ECHDC2: variants seen among roughly 807,000 people sequenced by gnomAD.
ECHDC2 encodes the protein enoyl-CoA hydratase domain-containing protein 2, mitochondrial.
Under a neutral mutation model 40.6 loss-of-function variants are expected in ECHDC2, and 34 were observed. That is an observed-to-expected ratio of 0.84 (90% CI 0.64 to 1.11). The LOEUF (loss-of-function observed/expected upper bound fraction) is 1.11, where lower values mean the gene tolerates loss of function less well. Ranked by LOEUF, ECHDC2 falls within the 50% of genes most tolerant of loss-of-function variation. ECHDC2 has a pLI of 0.00. For missense variants in ECHDC2, 392 were observed against 400.7 expected (o/e 0.98, Z 0.19); for synonymous variants, 162 against 166.6 (o/e 0.97, Z 0.21).
chr1:52,906,384 G>A, intron 5 of ECHDC2, 135 bp downstream of exon 5: 1 of 779,256 alleles, frequency 1.3e-6, no homozygotes, highest in South Asian at 1.5e-5. Flanking sequence ...CACCCTCTGT[G>A]CTCTGCCTTG....
rs1402245452 is a variant in ECHDC2 at position 52,914,609 on chromosome 1, T to C, written c.122-2819A>G. Among the ~76,000 whole-genome samples, 3 of 152,250 alleles carry C rather than the reference T, an allele frequency of 2.0e-5. No homozygotes were observed. The highest frequency in any genetic ancestry group is 1.3e-4 in the Admixed American group (2 of 15,296). On this transcript the variant is annotated intron_variant, in intron 1 of 9. Coordinates refer to ENST00000371522, the MANE Select transcript of ECHDC2 (RefSeq NM_001198961.2). The surrounding 1 kb of genome is among the most constrained non-coding windows in gnomAD (Gnocchi z 4.0). ...TGTGCCCAGGAGCCCAGAGCTCTCC[T>C]GTGCACCCCAGGCCTGAATAGCCAA...
chr1:52,908,275 C>T (rs1004124566), intron 3 of ECHDC2, among the ~76,000 whole-genome samples: 7 of 152,024 alleles, frequency 4.6e-5, no homozygotes, highest in African/African-American at 9.7e-5. Flanking sequence ...TTTGGGAGGC[C>T]GAGGCAGGTG....
At chr1:52,921,391 C>G (rs1222198582) in intron 1 of ECHDC2, 162 bp downstream of exon 1, 1 of 1,398,848 alleles carries the variant, frequency 7.1e-7, no homozygotes, top group Non-Finnish European at 9.2e-7. Context: ...CTAAGGCGGC[C>G]GCCCACCTCT....
chr1:52,908,519 AAAAG>A (rs1259644589), intron 3 of ECHDC2, among the ~76,000 whole-genome samples: 2 of 152,180 alleles, frequency 1.3e-5, no homozygotes, highest in South Asian at 2.1e-4. Context: ...AAAAAGAAAA[AAAAG>A]AAAAGACAAC....
chr1:52,904,069 G>A (rs539602847), intron 7 of ECHDC2, among the ~76,000 whole-genome samples: 6 of 152,106 alleles, frequency 3.9e-5, no homozygotes, highest in South Asian at 2.1e-4. Context: ...ACCCGCCTCA[G>A]CCTCCCAAAG....
At chr1:52,905,287 C>A in intron 5 of ECHDC2, 197 bp from the exon 6 acceptor site, 1 of 598,520 alleles carries the variant, frequency 1.7e-6, no homozygotes, top group Non-Finnish European at 3.0e-6. Context: ...CCTTATTTCA[C>A]CATGCCCCTT....
chr1:52,908,253 C>G (rs1296773191), intron 3 of ECHDC2, among the ~76,000 whole-genome samples: 3 of 151,994 alleles, frequency 2.0e-5, no homozygotes, highest in African/African-American at 7.3e-5. Context: ...CTCACGCTTG[C>G]AATCTCAGCA....
intron 7 of ECHDC2, among the ~76,000 whole-genome samples, chr1:52,903,299 T>C (rs1437207882): frequency 1.3e-5 from 2 of 152,180 alleles, no homozygotes; most frequent in African/African-American, 4.8e-5. Flanking sequence ...ACAGGTGGCT[T>C]TTGGTTACAT....
In ECHDC2 at chr1:52,896,597, T is replaced by C. The variant is rs939062189; in HGVS notation, c.802A>G (p.Asn268Asp). The C allele has an allele frequency of 1.9e-6, 3 of 1,613,698 alleles. No homozygotes were observed. The highest frequency in any genetic ancestry group is 2.5e-6 in the Non-Finnish European group (3 of 1,179,740). The change falls in exon 10 of 10, where the codon AAT (asparagine) becomes GAT (aspartate). Residue 268 changes from asparagine to aspartate, a missense_variant and splice_region_variant. Physicochemically the swap from Asn to Asp is conservative, Grantham distance 23. Coordinates refer to ENST00000371522, the MANE Select transcript of ECHDC2 (RefSeq NM_001198961.2). ...MAIEGMCYAQ[N>D]IPTRDRLEGM... Reference sequence around the variant, plus strand: ...TCTAGCCGGTCCCGGGTTGGAATATTCTGCAACAAGGTACAAAATATTAGT... The same window carrying C: ...TCTAGCCGGTCCCGGGTTGGAATATCCTGCAACAAGGTACAAAATATTAGT...
chr1:52,896,577 C>T lies in ECHDC2; in HGVS notation c.822G>A (p.Arg274=), dbSNP rs764401175. The change falls in exon 10 of 10, where the codon CGG becomes CGA. Residue 274 remains arginine, a synonymous_variant. Coordinates refer to ENST00000371522, the MANE Select transcript of ECHDC2 (RefSeq NM_001198961.2). The part of the protein sequence containing the change: ...CYAQNIPTRD[R]LEGMAAFREK... The stretch of plus-strand genomic sequence containing the variant: ...CCCTGAAGGCTGCCATGCCCTCTAG[C>T]CGGTCCCGGGTTGGAATATTCTGCA... 5.0e-6 allele frequency: 8 copies of T among 1,614,094 alleles called. No homozygotes were observed. Among genetic ancestry groups the T allele is most frequent in the Non-Finnish European group, 6.8e-6 (8 of 1,179,992 alleles).
chr1:52,897,281 C>T (rs1212727421), intron 9 of ECHDC2, 156 bp downstream of exon 9: 30 of 771,320 alleles, frequency 3.9e-5, no homozygotes, highest in Non-Finnish European at 5.9e-5. Context: ...CTATGGCTCT[C>T]CTCAAGCCAC....
chr1:52,921,750 G>A (rs1651958091), upstream of ECHDC2: 6 of 1,422,658 alleles, frequency 4.2e-6, no homozygotes, highest in Non-Finnish European at 5.5e-6. Context: ...CGCAGTTCCG[G>A]CGTCGGGCGA....
Position 52,904,801 on chromosome 1 carries a change from C to T in ECHDC2, c.547G>A (p.Val183Met), listed in dbSNP as rs147654988. 2.7e-5 allele frequency: 44 copies of T among 1,612,726 alleles called. No homozygotes were observed. The East Asian group carries it at 3.3e-4, about 12-fold the overall frequency. ...GTQRLPRCLGVALAKELIFTG... is the reference protein window; with the variant it reads ...GTQRLPRCLGMALAKELIFTG... ...AAGATGAGCTCCTTCGCCAGGGCCA[C>T]CCCCAGACAACGGGGCAGCCTCTGA... The change falls in exon 7 of 10, where the codon GTG (valine) becomes ATG (methionine). Residue 183 changes from valine to methionine, a missense_variant. Transcript: ENST00000371522.
At chr1:52,905,216 G>GA in intron 5 of ECHDC2, 126 bp from the exon 6 acceptor site, 1 of 1,022,508 alleles carries the variant, frequency 9.8e-7, no homozygotes, top group Non-Finnish European at 1.5e-6. Context: ...TCTGGCCACA[G>GA]CCAGGCCTCT....
intron 7 of ECHDC2, chr1:52,899,809 A>G (rs522259): frequency 0.66 from 102,536 of 155,534 alleles, 35,306 homozygotes; most frequent in African/African-American, 0.84. Flanking sequence ...TCTGTGGGGC[A>G]GTGCAGAGGG....
chr1:52,916,160 C>G (rs904023813), intron 1 of ECHDC2, among the ~76,000 whole-genome samples: 2 of 152,150 alleles, frequency 1.3e-5, no homozygotes, highest in Admixed American at 6.5e-5. Context: ...TGACTTCTGA[C>G]GTACAGAAAC....
intron 7 of ECHDC2, 182 bp from the exon 8 acceptor site, chr1:52,899,406 G>A: frequency 1.6e-6 from 1 of 616,258 alleles, no homozygotes; most frequent in Non-Finnish European, 2.9e-6. Context: ...TTTCTATCAT[G>A]AAAGAAGCCA....
At chr1:52,901,333 G>A (rs1436381486) in intron 7 of ECHDC2, 1 of 147,756 alleles carries the variant, frequency 6.8e-6, no homozygotes, top group African/African-American at 2.5e-5. Context: ...CAGGCCCAGG[G>A]CTTCAAGGCT....
chr1:52,920,513 G>C (rs1319341662), intron 1 of ECHDC2: 9 of 1,526,438 alleles, frequency 5.9e-6, no homozygotes, highest in South Asian at 1.2e-5. Flanking sequence ...AAGAGGAGCA[G>C]AAGAAACTCG....
Sources: gnomAD v4.1 joint callset for allele counts (sites outside exome capture counted in the v4.1 genomes callset) on GRCh38, gnomAD v4.1.1 for gene constraint, Gnocchi (gnomAD v3.1) non-coding constraint, MANE v1.5 for transcripts, NCBI Gene and HGNC (gene_info 2026-07-23, HGNC 2026-07-21) for gene names.